The following ATP8A1 variants were observed in gnomAD, a reference collection of about 807,000 sequenced individuals.
The protein encoded by ATP8A1 is phospholipid-transporting ATPase IA.
In ATP8A1, 90 loss-of-function variants were observed where a neutral mutation model predicts 177.7. The ratio of observed to expected loss-of-function variants is 0.51; its 90% CI spans 0.43 to 0.60. ATP8A1 has a LOEUF of 0.60. ATP8A1 is among the 20% of genes least tolerant of loss of function. The pLI, the probability that ATP8A1 is intolerant of heterozygous loss-of-function variation, is 0.00. For missense variants in ATP8A1, 1,072 were observed against 1,392.8 expected (o/e 0.77, Z 3.67); for synonymous variants, 493 against 485.9 (o/e 1.01, Z -0.19).
At position 42,618,643 on chromosome 4, in the gene ATP8A1, GGCCCTGTTACTGT is replaced by G. The variant is rs1413799040; in HGVS notation, c.364-2578_364-2566del. Among the ~76,000 whole-genome samples, 4 of 152,140 alleles carry G rather than the reference GGCCCTGTTACTGT, an allele frequency of 2.6e-5. No homozygotes were observed. In the East Asian group the frequency reaches 7.7e-4, roughly 29 times the overall value. ...TTTACTAAACACTGACTATGTGCCA[GGCCCTGTTACTGT>G]TGCTGAGACTACAGTAACAAGTGAC... On this transcript the variant is annotated intron_variant, in intron 4 of 36. Coordinates refer to ENST00000381668, the MANE Select transcript of ATP8A1 (RefSeq NM_006095.2).
At chr4:42,555,930 A>G (rs990118299) in intron 16 of ATP8A1, 38 bp downstream of exon 16, 1 of 1,388,920 alleles carries the variant, frequency 7.2e-7, no homozygotes, top group Non-Finnish European at 1.0e-6. Flanking sequence ...ATTAGTTTTT[A>G]TTCACTAACA....
intron 5 of ATP8A1, among the ~76,000 whole-genome samples, chr4:42,605,015 G>A (rs1335891263): frequency 1.3e-5 from 2 of 152,180 alleles, no homozygotes; most frequent in East Asian, 1.9e-4. Context: ...AGGGATTCAA[G>A]GAAGAAAGAA....
intron 21 of ATP8A1, among the ~76,000 whole-genome samples, chr4:42,524,421 G>GTTT (rs57749223): frequency 4.4e-4 from 64 of 144,942 alleles, no homozygotes; most frequent in East Asian, 2.4e-3. Flanking sequence ...TAGAATATCT[G>GTTT]TTTTTTTTTT....
chr4:42,484,970 C>T (rs893510430), intron 25 of ATP8A1, among the ~76,000 whole-genome samples: 3 of 152,104 alleles, frequency 2.0e-5, no homozygotes, highest in African/African-American at 7.2e-5. Flanking sequence ...GGAGCTATGT[C>T]GTTTACAAAA....
intron 6 of ATP8A1, among the ~76,000 whole-genome samples, chr4:42,595,344 A>G (rs12651211): frequency 0.76 from 116,198 of 152,076 alleles, 44,791 homozygotes; most frequent in Non-Finnish European, 0.82. Context: ...AGCCCACTGC[A>G]GTCTATTATT....
At chr4:42,478,796 C>T (rs566266533) in intron 25 of ATP8A1, among the ~76,000 whole-genome samples, 1 of 152,244 alleles carries the variant, frequency 6.6e-6, no homozygotes, top group South Asian at 2.1e-4. Context: ...TGTATTGACA[C>T]CTCATTGTAA....
intron 25 of ATP8A1, among the ~76,000 whole-genome samples, chr4:42,474,671 C>T (rs1720856695): frequency 6.6e-6 from 1 of 152,126 alleles, no homozygotes; most frequent in African/African-American, 2.4e-5. Flanking sequence ...GTGCAGCTGC[C>T]TCTAACAAGA....
rs1338456866 is a variant in ATP8A1 at position 42,503,495 on chromosome 4, C to T, written c.2106G>A (p.Leu702=). The T allele has an allele frequency of 2.5e-6, 4 of 1,607,492 alleles. No individual in the cohort carries two copies. The African/African-American group carries it at 4.0e-5, about 16-fold the overall frequency. ...AINIGHSCKL[L]KKNMGMIVIN... Reference sequence around the variant, plus strand: ...TAACAATCATTCCCATGTTCTTCTTCAACAGTTTGCAGGAGTGTCCTGTAT... The same window carrying T: ...TAACAATCATTCCCATGTTCTTCTTTAACAGTTTGCAGGAGTGTCCTGTAT... The change falls in exon 24 of 37, where the codon TTG becomes TTA. Residue 702 remains leucine (L), a synonymous_variant. Coordinates refer to ENST00000381668, the MANE Select transcript of ATP8A1 (RefSeq NM_006095.2).
Position 42,656,832 on chromosome 4 carries a change from G to A in ATP8A1, c.42C>T (p.Arg14=), listed in dbSNP as rs779998642. 7 of 1,579,892 alleles carry A rather than the reference G, an allele frequency of 4.4e-6. No individual in the cohort carries two copies. The Admixed American group carries it at 8.8e-5, about 20-fold the overall frequency. Residue 14 remains arginine (R), a synonymous_variant, in exon 1 of 37, where the codon CGC becomes CGT. Transcript: ENST00000381668. ...GCCTCGGCGGCCCCTTACCTTCGGCGCGCGAGCGGATCTCCGACACGGTCC... is the reference window on the plus strand; with the variant it reads ...GCCTCGGCGGCCCCTTACCTTCGGCACGCGAGCGGATCTCCGACACGGTCC... The part of the protein sequence containing the change: ...MRRTVSEIRS[R]AEGYEKTDDV...
At chr4:42,441,295 GC>G (rs1316724720) in intron 33 of ATP8A1, among the ~76,000 whole-genome samples, 1 of 151,988 alleles carries the variant, frequency 6.6e-6, no homozygotes, top group African/African-American at 2.4e-5. Flanking sequence ...TTATGTATAT[GC>G]CTACAGATAT....
chr4:42,619,654 T>G (rs191285867), intron 4 of ATP8A1, among the ~76,000 whole-genome samples: 129 of 151,672 alleles, frequency 8.5e-4, no homozygotes, highest in African/African-American at 2.5e-3. Context: ...TCTATATATA[T>G]AGAGAGATTT....
At chr4:42,527,973 C>A (rs1726867362) in intron 20 of ATP8A1, among the ~76,000 whole-genome samples, 1 of 152,150 alleles carries the variant, frequency 6.6e-6, no homozygotes, top group South Asian at 2.1e-4. Flanking sequence ...GGTAACTTTG[C>A]ACTGGGGAAA....
At chr4:42,621,204 A>G (rs186781600) in intron 4 of ATP8A1, among the ~76,000 whole-genome samples, 25 of 152,360 alleles carry the variant, frequency 1.6e-4, no homozygotes, top group African/African-American at 5.0e-4. Context: ...TTTCCAATCA[A>G]GAAGACTATG....
intron 4 of ATP8A1, among the ~76,000 whole-genome samples, chr4:42,623,450 C>T (rs1355979391): frequency 6.6e-6 from 1 of 152,126 alleles, no homozygotes; most frequent in Admixed American, 6.5e-5. Context: ...AACCTAAATG[C>T]CCATCAATGA....
At chr4:42,624,481 A>T in intron 4 of ATP8A1, 55 bp downstream of exon 4, 2 of 961,926 alleles carry the variant, frequency 2.1e-6, no homozygotes, top group South Asian at 2.0e-5. Flanking sequence ...ACTAATATTT[A>T]AAGCATATAT....
chr4:42,655,719 A>C (rs937700186), intron 1 of ATP8A1, among the ~76,000 whole-genome samples: 4 of 152,216 alleles, frequency 2.6e-5, no homozygotes, highest in Non-Finnish European at 5.9e-5. Flanking sequence ...AAATACTGCA[A>C]TCAGAAAATT....
At chr4:42,445,955 C>T (rs373627856) in intron 31 of ATP8A1, among the ~76,000 whole-genome samples, 24 of 151,860 alleles carry the variant, frequency 1.6e-4, no homozygotes, top group African/African-American at 4.8e-4. Flanking sequence ...TGGCACACGC[C>T]TGTAATTCCA....
intron 33 of ATP8A1, among the ~76,000 whole-genome samples, chr4:42,433,538 A>G (rs1715547387): frequency 6.6e-6 from 1 of 152,216 alleles, no homozygotes; most frequent in Non-Finnish European, 1.5e-5. Context: ...GAAAATAACT[A>G]AAGGGTGTTT....
chr4:42,611,465 G>A (rs1736366066), intron 5 of ATP8A1, among the ~76,000 whole-genome samples: 2 of 152,152 alleles, frequency 1.3e-5, no homozygotes, highest in Admixed American at 1.3e-4. Flanking sequence ...AAGGATCGCA[G>A]CTCTATCTCC....
Sources: allele counts gnomAD v4.1 joint callset (sites outside exome capture counted in the v4.1 genomes callset), GRCh38; gene constraint gnomAD v4.1.1; transcripts MANE v1.5; gene names NCBI Gene and HGNC (gene_info 2026-07-23, HGNC 2026-07-21).